CNTROB: variants seen among roughly 807,000 people sequenced by gnomAD.
CNTROB encodes the protein centrobin, centriole duplication and spindle assembly protein, also known as centrobin.
CNTROB carries 82 observed loss-of-function variants against 115.7 expected under a neutral mutation model. The observed-to-expected ratio is 0.71, with a 90% CI of 0.59 to 0.85. The LOEUF is 0.85. CNTROB is among the 40% of genes least tolerant of loss of function. CNTROB has a pLI of 0.00. For missense variants in CNTROB, 1,014 were observed against 1,144.4 expected, an observed-to-expected ratio of 0.89 and a Z score of 1.64; for synonymous variants, 439 against 456.4, an observed-to-expected ratio of 0.96 and a Z score of 0.49.
intron 5 of CNTROB, 26 bp downstream of exon 5, chr17:7,936,508 G>C: frequency 1.1e-6 from 1 of 913,952 alleles, no homozygotes; most frequent in South Asian, 1.3e-5. Context: ...AATGTGGGTG[G>C]GTCTCTCCAT....
intron 9 of CNTROB, among the ~76,000 whole-genome samples, chr17:7,942,887 C>T (rs1418212400): frequency 5.5e-5 from 8 of 144,282 alleles, no homozygotes; most frequent in Admixed American, 4.2e-4. Context: ...CTGCAAGCTC[C>T]GCCTCCCAGG....
rs770694328 is a variant in CNTROB at position 7,945,832 on chromosome 17, G to A, written c.1839G>A (p.Leu613=). Residue 613 remains leucine, a synonymous_variant, in exon 13 of 19, where the codon TTG becomes TTA. Coordinates refer to ENST00000563694, the MANE Select transcript of CNTROB (RefSeq NM_053051.5). ...TGGCCGTGGCCCTGAAGCCTGTATT[G>A]CAGCAGAGCCGGGAAGCAAGGGACG... ...PPMAVALKPV[L]QQSREARDEL... is the part of the protein sequence containing the mutation. 6.2e-7 allele frequency: 1 copy of A among 1,614,202 alleles called. No individual in the cohort carries two copies. The highest frequency in any genetic ancestry group is 1.6e-4 in the Middle Eastern group (1 of 6,062).
chr17:7,937,161 A>T lies in CNTROB; in HGVS notation c.829-3A>T. ...CTGCCCTGTATTCCTCTCTTCCTGA[A>T]AGACAGTAACCCGCCTGGAACAAAG... On this transcript the variant is annotated splice_region_variant and splice_polypyrimidine_tract_variant and intron_variant, in intron 6 of 18. Transcript: ENST00000563694. 1 of 1,614,162 alleles carries T rather than the reference A, an allele frequency of 6.2e-7. No individual in the cohort carries two copies.
chr17:7,942,638 A>G (rs1234498519), intron 9 of CNTROB, among the ~76,000 whole-genome samples: 1 of 149,960 alleles, frequency 6.7e-6, no homozygotes, highest in Non-Finnish European at 1.5e-5. Flanking sequence ...AGTTCTTTAT[A>G]GTAAAATACT....
intron 7 of CNTROB, among the ~76,000 whole-genome samples, chr17:7,938,335 A>T (rs548472815): frequency 6.6e-6 from 1 of 151,698 alleles, no homozygotes; most frequent in African/African-American, 2.4e-5. Flanking sequence ...AGCTGAAATG[A>T]TAAGGTGATT....
Position 7,939,402 on chromosome 17 carries a change from G to T in CNTROB, c.928-111G>T. ...AGCCACCGCACCCGGCCTAATTATT[G>T]TGTTTTTAATGAGCATAATTCTCAG... On this transcript the variant is annotated intron_variant, in intron 7 of 18. Coordinates refer to ENST00000563694, the MANE Select transcript of CNTROB (RefSeq NM_053051.5). This position sits in a 1 kb window ranked among gnomAD's most constrained non-coding sequence, Gnocchi z 4.4. The T allele has an allele frequency of 1.1e-6, 1 of 920,100 alleles. No homozygotes were observed. The highest frequency in any genetic ancestry group is 1.7e-6 in the Non-Finnish European group (1 of 584,196). 57.0% of individuals were successfully genotyped at this position (920,100 alleles called of 1,614,324 possible). A position where few individuals can be genotyped will look rare whatever the true frequency, so the allele number is the denominator to read the frequency against.
rs779173991 is a variant in CNTROB, at chr17:7,939,634, C to G, written c.1049C>G (p.Thr350Ser). ...GQLSEHRELE[T>S]LRAALEEERQ... ...CTGAGTGAGCATCGAGAGTTGGAGA[C>G]TCTTCGGGCTGCCCTAGAAGAAGAA... Residue 350 changes from threonine (T) to serine (S), a missense_variant, in exon 8 of 19, where the codon ACT (threonine) becomes AGT (serine). Coordinates refer to ENST00000563694, the MANE Select transcript of CNTROB (RefSeq NM_053051.5). The surrounding 1 kb of genome is among the most constrained non-coding windows in gnomAD (Gnocchi z 4.4). The G allele has an allele frequency of 6.2e-7, 1 of 1,614,022 alleles. No individual in the cohort carries two copies.
intron 9 of CNTROB, among the ~76,000 whole-genome samples, chr17:7,941,049 A>G (rs1159748606): frequency 6.6e-6 from 1 of 152,208 alleles, no homozygotes; most frequent in East Asian, 1.9e-4. Context: ...TCTCCAGAAT[A>G]GAGGAAAGGA....
Position 7,949,402 on chromosome 17 carries a change from C to T in CNTROB, c.2604C>T (p.Val868=). 1 of 1,614,150 alleles carries T rather than the reference C, an allele frequency of 6.2e-7. No homozygotes were observed. Among genetic ancestry groups the T allele is most frequent in the Non-Finnish European group, 8.5e-7 (1 of 1,180,006 alleles). ...ACTCTCAGATTCCCTCCCAGGCTGT[C>T]CCTCGCCGCCTTGCTACAGCCCCCA... ...IPRKEIPSQA[V]PRRLATAPKT... The change falls in exon 19 of 19, where the codon GTC becomes GTT. Residue 868 remains valine (V), a synonymous_variant. Coordinates refer to ENST00000563694, the MANE Select transcript of CNTROB (RefSeq NM_053051.5).
chr17:7,949,564 GCTCAT>G lies in CNTROB; in HGVS notation c.*55_*59del. ...TCTCATTGTTGTTATTTTAATAAAT[GCTCAT>G]TAGTCTGTATCAGAGTCTCTGGCTC... On this transcript the variant is annotated 3_prime_UTR_variant, in exon 19 of 19. Coordinates refer to ENST00000563694, the MANE Select transcript of CNTROB (RefSeq NM_053051.5). The G allele has an allele frequency of 6.5e-7, 1 of 1,534,814 alleles. No homozygotes were observed. The highest frequency in any genetic ancestry group is 8.8e-7 in the Non-Finnish European group (1 of 1,138,746).
intron 7 of CNTROB, among the ~76,000 whole-genome samples, chr17:7,938,953 A>T (rs1339369484): frequency 2.0e-5 from 3 of 151,848 alleles, no homozygotes; most frequent in Non-Finnish European, 4.4e-5. Context: ...TAATTTTTAT[A>T]TTTTTAGTAG....
intron 4 of CNTROB, 69 bp downstream of exon 4, chr17:7,935,214 G>T: frequency 1.2e-6 from 2 of 1,604,652 alleles, no homozygotes; most frequent in Non-Finnish European, 1.7e-6. Flanking sequence ...GTTGAAAAGG[G>T]CTGAGGGGGC....
Position 7,933,149 on chromosome 17 carries a change from C to A in CNTROB, c.70C>A (p.Pro24Thr), listed in dbSNP as rs1000040924. 2 of 1,614,074 alleles carry A rather than the reference C, an allele frequency of 1.2e-6. No individual in the cohort carries two copies. The highest frequency in any genetic ancestry group is 1.3e-5 in the African/African-American group (1 of 74,938). ...GGATCTCCTGAGTGATTCATCAGAA[C>A]CCCCTGGGCTCAACCAAGTGTCGTC... Reference protein sequence around the residue: ...AEDLLSDSSEPPGLNQVSSEV... With the variant: ...AEDLLSDSSETPGLNQVSSEV... Residue 24 changes from proline (P) to threonine (T), a missense_variant, in exon 1 of 19, where the codon CCC (proline) becomes ACC (threonine). Transcript: ENST00000563694.
Position 7,943,400 on chromosome 17 carries a change from G to A in CNTROB, c.1321G>A (p.Glu441Lys). ...LEMSLVQARY[E>K]SQRIQLESEL... Reference sequence around the variant, plus strand: ...CCTTCCTTCACTCCAGGCCCGGTATGAAAGCCAGCGGATCCAGCTGGAGTC... The same window carrying A: ...CCTTCCTTCACTCCAGGCCCGGTATAAAAGCCAGCGGATCCAGCTGGAGTC... The change falls in exon 10 of 19, where the codon GAA becomes AAA. Residue 441 changes from glutamate (E) to lysine (K), a missense_variant. Physicochemically the swap from Glu to Lys is moderately conservative, Grantham distance 56 (BLOSUM62 1). Transcript: ENST00000563694. The surrounding 1 kb of genome is among the most constrained non-coding windows in gnomAD (Gnocchi z 4.7). The A allele has an allele frequency of 6.2e-7, 1 of 1,613,184 alleles. No individual in the cohort carries two copies. Among genetic ancestry groups the A allele is most frequent in the South Asian group, 1.1e-5 (1 of 90,996 alleles).
rs1567940587 is a variant in CNTROB at position 7,948,502 on chromosome 17, C to T, written c.2396C>T (p.Thr799Ile). ...TGTCTGTCAGGTGGAGATGGGCTTA[C>T]ATTCCCAAGGCAGCTGATGGAGGTG... is the stretch of plus-strand genomic sequence containing the variant. ...GSPERGGDGLTFPRQLMEVSQ... is the reference protein window; with the variant it reads ...GSPERGGDGLIFPRQLMEVSQ... Residue 799 changes from threonine to isoleucine, a missense_variant, in exon 17 of 19, where the codon ACA becomes ATA. Thr to Ile is a moderately conservative substitution (Grantham distance 89). Transcript: ENST00000563694. This position sits in a 1 kb window ranked among gnomAD's most constrained non-coding sequence, Gnocchi z 4.4. 1 of 1,614,076 alleles carries T rather than the reference C, an allele frequency of 6.2e-7. No homozygotes were observed. Among genetic ancestry groups the T allele is most frequent in the South Asian group, 1.1e-5 (1 of 91,082 alleles).
In CNTROB at chr17:7,944,387, A is replaced by G. The variant is rs1176673866; in HGVS notation, c.1572-89A>G. On this transcript the variant is annotated intron_variant, in intron 11 of 18. Coordinates refer to ENST00000563694, the MANE Select transcript of CNTROB (RefSeq NM_053051.5). This position sits in a 1 kb window ranked among gnomAD's most constrained non-coding sequence, Gnocchi z 4.0. Reference sequence around the variant, plus strand: ...GCCCCAGCTCCTTTCAGAATATCAGATGTCCAACATTTCCCTTCTGGCTCT... The same window carrying G: ...GCCCCAGCTCCTTTCAGAATATCAGGTGTCCAACATTTCCCTTCTGGCTCT... The G allele has an allele frequency of 1.9e-6, 3 of 1,573,378 alleles. No individual in the cohort carries two copies. Among genetic ancestry groups the G allele is most frequent in the South Asian group, 2.2e-5 (2 of 88,932 alleles).
Position 7,939,504 on chromosome 17 carries a change from C to T in CNTROB, c.928-9C>T, listed in dbSNP as rs190429332. 61 of 1,612,308 alleles carry T rather than the reference C, an allele frequency of 3.8e-5. No homozygotes were observed. Among genetic ancestry groups the T allele is most frequent in the Admixed American group, 2.8e-4 (17 of 59,976 alleles). On this transcript the variant is annotated splice_polypyrimidine_tract_variant and intron_variant, in intron 7 of 18. Coordinates refer to ENST00000563694, the MANE Select transcript of CNTROB (RefSeq NM_053051.5). The surrounding 1 kb of genome is among the most constrained non-coding windows in gnomAD (Gnocchi z 4.4). The stretch of plus-strand genomic sequence containing the variant: ...TACTAAGGAGCTTGGTTTTCTTCTG[C>T]GGCTGTAGGAGGAGGAAAGGCAAGC...
rs1974223058 is a variant in CNTROB at position 7,944,046 on chromosome 17, C to T, written c.1446-77C>T. 1 of 1,120,016 alleles carries T rather than the reference C, an allele frequency of 8.9e-7. No homozygotes were observed. Among genetic ancestry groups the T allele is most frequent in the Non-Finnish European group, 1.3e-6 (1 of 747,320 alleles). 69.4% of individuals were successfully genotyped at this position (1,120,016 alleles called of 1,614,324 possible). The stretch of plus-strand genomic sequence containing the variant: ...GCTATCTGGGTCACTGTCATGTGCA[C>T]ACATGATGTCTTTTTCTCAGTTGGT... On this transcript the variant is annotated intron_variant, in intron 10 of 18. Coordinates refer to ENST00000563694, the MANE Select transcript of CNTROB (RefSeq NM_053051.5). The surrounding 1 kb of genome is among the most constrained non-coding windows in gnomAD (Gnocchi z 4.0).
intron 18 of CNTROB, 65 bp downstream of exon 18, chr17:7,949,222 T>C: frequency 6.4e-7 from 1 of 1,569,464 alleles, no homozygotes; most frequent in Non-Finnish European, 8.8e-7. Context: ...CCTTCACCTC[T>C]GCACACTCCT....
Sources: gnomAD v4.1 joint callset for allele counts (sites outside exome capture counted in the v4.1 genomes callset) on GRCh38, gnomAD v4.1.1 for gene constraint, Gnocchi (gnomAD v3.1) non-coding constraint, MANE v1.5 for transcripts, NCBI Gene and HGNC (gene_info 2026-07-23, HGNC 2026-07-21) for gene names.